Variants in XIRP2 observed in about 807,000 individuals in gnomAD.
XIRP2 encodes xin actin-binding repeat-containing protein 2.
XIRP2 carries 236 observed loss-of-function variants against 277.0 expected under a neutral mutation model. The ratio of observed to expected loss-of-function variants is 0.85; its 90% CI spans 0.77 to 0.95. The LOEUF is 0.95. Ranked by LOEUF, XIRP2 falls within the 40% of genes least tolerant of loss-of-function variation. XIRP2 has a pLI of 0.00. For synonymous variants in XIRP2, 1,490 were observed against 1,416.5 expected, an observed-to-expected ratio of 1.05 and a Z score of -1.17; for missense variants, 4,640 against 4,157.5, an observed-to-expected ratio of 1.12 and a Z score of -3.19.
At chr2:167,142,252 T>G (rs1691741174) in intron 3 of XIRP2, among the ~76,000 whole-genome samples, 1 of 152,064 alleles carries the variant, frequency 6.6e-6, no homozygotes, top group South Asian at 2.1e-4. Context: ...GAATTAGTTA[T>G]TATAAGAAAG....
chr2:166,940,993 G>C (rs1205016021), intron 2 of XIRP2, among the ~76,000 whole-genome samples: 2 of 152,318 alleles, frequency 1.3e-5, no homozygotes, highest in East Asian at 1.9e-4. Context: ...AGACATTTAA[G>C]TCTGCAGAGG....
chr2:167,052,150 A>T (rs1221235600), intron 2 of XIRP2, among the ~76,000 whole-genome samples: 3 of 152,110 alleles, frequency 2.0e-5, no homozygotes, highest in African/African-American at 7.2e-5. Context: ...TTACAGTACA[A>T]TGTAAGTTAC....
intron 2 of XIRP2, among the ~76,000 whole-genome samples, chr2:167,013,454 G>C (rs1687737186): frequency 6.6e-6 from 1 of 151,376 alleles, no homozygotes; most frequent in Non-Finnish European, 1.5e-5. Context: ...TTAGTTCTGG[G>C]AGAAGCTGAG....
intron 2 of XIRP2, among the ~76,000 whole-genome samples, chr2:167,064,015 T>C (rs1298617778): frequency 6.6e-6 from 1 of 151,792 alleles, no homozygotes; most frequent in East Asian, 1.9e-4. Flanking sequence ...TTTCTTTGTT[T>C]CTTTGTTAAA....
chr2:166,926,603 T>A (rs1488766038), intron 2 of XIRP2, among the ~76,000 whole-genome samples: 1 of 152,118 alleles, frequency 6.6e-6, no homozygotes, highest in Admixed American at 6.6e-5. Flanking sequence ...AGATTGACAT[T>A]AACACTAGTG....
chr2:167,067,005 T>C (rs1689317836), intron 2 of XIRP2, among the ~76,000 whole-genome samples: 1 of 152,152 alleles, frequency 6.6e-6, no homozygotes, highest in Non-Finnish European at 1.5e-5. Context: ...GATTAAGATA[T>C]ACTTTGGGGT....
intron 2 of XIRP2, among the ~76,000 whole-genome samples, chr2:167,072,520 C>A (rs539546268): frequency 2.6e-4 from 39 of 152,240 alleles, no homozygotes; most frequent in African/African-American, 8.9e-4. Context: ...TTACACTTCC[C>A]TTATATGGCA....
intron 2 of XIRP2, among the ~76,000 whole-genome samples, chr2:167,059,113 T>TA (rs2105237499): frequency 7.3e-6 from 1 of 137,216 alleles, no homozygotes; most frequent in Non-Finnish European, 1.6e-5. Flanking sequence ...TTTTTTTTTT[T>TA]TTTTTTTTTT....
chr2:167,112,841 G>A (rs971661911), intron 2 of XIRP2, among the ~76,000 whole-genome samples: 5 of 151,824 alleles, frequency 3.3e-5, no homozygotes, highest in African/African-American at 1.2e-4. Flanking sequence ...TAGTAGACAC[G>A]GGGTTTCATC....
rs774499825 is a variant in XIRP2 at position 167,247,385 on chromosome 2, G to C, written c.5993G>C (p.Ser1998Thr). Residue 1998 changes from serine to threonine, a missense_variant, in exon 9 of 11, where the codon AGT becomes ACT. Physicochemically the swap from Ser to Thr is moderately conservative, Grantham distance 58 (BLOSUM62 1). Coordinates refer to ENST00000409195, the MANE Select transcript of XIRP2 (RefSeq NM_152381.6). ...AKWQGGADTL[S>T]QTMGKSCHGN... ...TGGCAAGGGGGAGCAGATACTCTCA[G>C]TCAAACTATGGGGAAATCTTGCCAT... 2.5e-6 allele frequency: 4 copies of C among 1,613,642 alleles called. No individual in the cohort carries two copies. The highest frequency in any genetic ancestry group is 2.5e-6 in the Non-Finnish European group (3 of 1,179,806).
At position 167,083,454 on chromosome 2, in the gene XIRP2, A is replaced by C. The variant is rs182245182; in HGVS notation, c.409-52455A>C. 7.0e-3 allele frequency among the ~76,000 whole-genome samples: 1,061 copies of C among 152,302 alleles called. 13 individuals carry two copies. Among genetic ancestry groups the C allele is most frequent in the African/African-American group, 0.024 (1,003 of 41,554 alleles). ...TCTTTTTCGGTTCCATATGAACATT[A>C]TAGTAGTTTTTTCCAATTCTGTGAA... On this transcript the variant is annotated intron_variant, in intron 2 of 10. Coordinates refer to ENST00000409195, the MANE Select transcript of XIRP2 (RefSeq NM_152381.6).
At chr2:167,096,319 T>G (rs1690316879) in intron 2 of XIRP2, among the ~76,000 whole-genome samples, 2 of 152,164 alleles carry the variant, frequency 1.3e-5, no homozygotes, top group South Asian at 4.1e-4. Context: ...CTTCTAGATT[T>G]TTTAGTTTAT....
chr2:167,038,526 A>G (rs985964256), intron 2 of XIRP2, among the ~76,000 whole-genome samples: 46 of 151,472 alleles, frequency 3.0e-4, no homozygotes, highest in African/African-American at 1.0e-3. Flanking sequence ...TTCTATCCAG[A>G]GAAAGCTTAG....
chr2:167,161,665 T>G (rs922976348), intron 3 of XIRP2, among the ~76,000 whole-genome samples: 1 of 152,166 alleles, frequency 6.6e-6, no homozygotes, highest in Admixed American at 6.5e-5. Context: ...CACTTTTTCC[T>G]CCTGCACCTC....
rs953286665 is a variant in XIRP2 at position 167,246,071 on chromosome 2, A to G, written c.4679A>G (p.Tyr1560Cys). The G allele has an allele frequency of 6.2e-7, 1 of 1,613,546 alleles. No individual in the cohort carries two copies. The highest frequency in any genetic ancestry group is 8.5e-7 in the Non-Finnish European group (1 of 1,179,750). Residue 1560 changes from tyrosine (Y) to cysteine (C), a missense_variant, in exon 9 of 11, where the codon TAC becomes TGC. Physicochemically the swap from Tyr to Cys is radical, Grantham distance 194. Coordinates refer to ENST00000409195, the MANE Select transcript of XIRP2 (RefSeq NM_152381.6). Reference protein sequence around the residue: ...KSIKETLEDLYSQKVIQAPGI... With the variant: ...KSIKETLEDLCSQKVIQAPGI... ...ATTAAAGAAACCTTAGAAGATCTCTACTCTCAAAAAGTTATCCAGGCTCCT... is the reference window on the plus strand; with the variant it reads ...ATTAAAGAAACCTTAGAAGATCTCTGCTCTCAAAAAGTTATCCAGGCTCCT...
At position 167,077,758 on chromosome 2, in the gene XIRP2, G is replaced by A. The variant is rs78990196; in HGVS notation, c.409-58151G>A. ...AGAAAAGACCTATGGGCCATGTTAA[G>A]GGTTTGGCTTTTACCCAGAGTGACA... On this transcript the variant is annotated intron_variant, in intron 2 of 10. Coordinates refer to ENST00000409195, the MANE Select transcript of XIRP2 (RefSeq NM_152381.6). 2.1e-3 allele frequency among the ~76,000 whole-genome samples: 321 copies of A among 152,294 alleles called. 13 individuals are homozygous for A. The East Asian group carries it at 0.056, about 27-fold the overall frequency.
At chr2:167,019,026 G>T (rs2105481878) in intron 2 of XIRP2, among the ~76,000 whole-genome samples, 1 of 152,056 alleles carries the variant, frequency 6.6e-6, no homozygotes, top group South Asian at 2.1e-4. Context: ...GCAAGAGTTT[G>T]CTGAGTGAAT....
rs377551470 is a variant in XIRP2, at chr2:167,213,647, C to G, written c.723+2752C>G. On this transcript the variant is annotated intron_variant, in intron 4 of 10. Coordinates refer to ENST00000409195, the MANE Select transcript of XIRP2 (RefSeq NM_152381.6). ...TTATGGGGTCAATGATAACAACATT[C>G]ATTAGTTGGGATATTTAGAGCATGA... Among the ~76,000 whole-genome samples the G allele has an allele frequency of 1.7e-4, 26 of 152,184 alleles. No homozygotes were observed. The South Asian group carries it at 5.4e-3, about 32-fold the overall frequency.
intron 2 of XIRP2, among the ~76,000 whole-genome samples, chr2:167,075,166 T>G (rs1343399940): frequency 6.6e-6 from 1 of 152,176 alleles, no homozygotes; most frequent in Non-Finnish European, 1.5e-5. Flanking sequence ...TCTCTAGTGG[T>G]ATTACATTTT....
Sources: gnomAD v4.1 joint callset for allele counts (sites outside exome capture counted in the v4.1 genomes callset) on GRCh38, gnomAD v4.1.1 for gene constraint, MANE v1.5 for transcripts, NCBI Gene and HGNC (gene_info 2026-07-23, HGNC 2026-07-21) for gene names.